Variants in FANCB observed in about 807,000 individuals in gnomAD.
FANCB encodes FA complementation group B.
FANCB carries 5 observed loss-of-function variants against 38.9 expected under a neutral mutation model. That is an observed-to-expected ratio of 0.13 (90% CI 0.07 to 0.27). The LOEUF (loss-of-function observed/expected upper bound fraction) is 0.27, where lower values mean the gene tolerates loss of function less well. FANCB is among the 10% of genes least tolerant of loss of function. The probability of loss-of-function intolerance (pLI) is 1.00; values close to 1 mark genes in which losing one functional copy is unlikely to be tolerated. For synonymous variants in FANCB, 236 were observed against 215.4 expected (o/e 1.10, Z -0.84); for missense variants, 573 against 602.7 (o/e 0.95, Z 0.52).
intron 9 of FANCB, 77 bp downstream of exon 9, chrX:14,844,426 A>C (rs2092366723): frequency 1.4e-6 from 1 of 712,960 alleles, no homozygotes; most frequent in Admixed American, 2.2e-5. Flanking sequence ...ACACATGCGG[A>C]TCGCTGTTGA....
chrX:14,757,421 A>G, the FANCB span, among the ~76,000 whole-genome samples: 1 of 111,808 alleles, frequency 8.9e-6, no homozygotes, highest in African/African-American at 3.3e-5. Context: ...GAACTACCAC[A>G]GGAAAGTTAT....
the FANCB span, among the ~76,000 whole-genome samples, chrX:14,695,561 C>T: frequency 5.3e-5 from 6 of 112,198 alleles, no homozygotes; most frequent in East Asian, 1.7e-3. Flanking sequence ...GATGGAGATA[C>T]TGAAGCACAA....
At chrX:14,840,173 A>G (rs1307296366), downstream of FANCB, among the ~76,000 whole-genome samples, 1 of 111,453 alleles carries the variant, frequency 9.0e-6, no homozygotes, top group Non-Finnish European at 1.9e-5. Context: ...TTTTTTTTTT[A>G]GTAATTGGCA....
At chrX:14,690,540 CA>C in the FANCB span, among the ~76,000 whole-genome samples, 2 of 112,021 alleles carry the variant, frequency 1.8e-5, no homozygotes, top group Non-Finnish European at 3.8e-5. Flanking sequence ...AAAGTAGAAT[CA>C]ATGGCTTAAG....
the FANCB span, among the ~76,000 whole-genome samples, chrX:14,755,386 A>T: frequency 8.1e-5 from 9 of 111,735 alleles, no homozygotes; most frequent in East Asian, 5.6e-4. Context: ...TTATATATTT[A>T]AAAAAAATCC....
At chrX:14,757,464 A>T in the FANCB span, among the ~76,000 whole-genome samples, 2 of 111,675 alleles carry the variant, frequency 1.8e-5, no homozygotes, top group Admixed American at 1.9e-4. Context: ...AGACCCTTTG[A>T]AGGAAGTGGA....
the FANCB span, among the ~76,000 whole-genome samples, chrX:14,799,971 C>T: frequency 9.0e-6 from 1 of 111,570 alleles, no homozygotes; most frequent in South Asian, 3.7e-4. Context: ...TAGCAAGACT[C>T]TAGAAGAAAG....
At chrX:14,778,063 G>A in the FANCB span, among the ~76,000 whole-genome samples, 1 of 111,635 alleles carries the variant, frequency 9.0e-6, no homozygotes, top group Non-Finnish European at 1.9e-5. Context: ...AAATAAAAAT[G>A]AAAAACCCAC....
chrX:14,745,117 A>G, the FANCB span, among the ~76,000 whole-genome samples: 1 of 111,647 alleles, frequency 9.0e-6, no homozygotes, highest in African/African-American at 3.3e-5. Flanking sequence ...TTTCCTCTCT[A>G]GCTCCATTAA....
the FANCB span, among the ~76,000 whole-genome samples, chrX:14,722,084 G>A: frequency 1.8e-4 from 20 of 111,854 alleles, no homozygotes; most frequent in Non-Finnish European, 3.2e-4. Context: ...AATTATCTGT[G>A]TAGCTATCTA....
At position 14,843,752 on chromosome X, in the gene FANCB, C is replaced by T. The variant is rs368933083; in HGVS notation, c.2395G>A (p.Ala799Thr). 3.5e-5 allele frequency: 42 copies of T among 1,209,145 alleles called. No homozygotes were observed. The highest frequency in any genetic ancestry group is 4.4e-5 in the Non-Finnish European group (39 of 894,919). Residue 799 changes from alanine (A) to threonine (T), a missense_variant, in exon 10 of 10, where the codon GCG becomes ACG. Transcript: ENST00000650831. ...TCCCTTCTGTCTGATAAAGCAGCCGCGACGACACTACTCTTTCCTTTGCTC... is the reference window on the plus strand; with the variant it reads ...TCCCTTCTGTCTGATAAAGCAGCCGTGACGACACTACTCTTTCCTTTGCTC... ...EVSKGKSSVV[A>T]AALSDRRENI...
the FANCB span, among the ~76,000 whole-genome samples, chrX:14,696,908 C>G: frequency 9.0e-6 from 1 of 111,676 alleles, no homozygotes; most frequent in Non-Finnish European, 1.9e-5. Context: ...TGTTTTATTA[C>G]CAAAGTTAAG....
chrX:14,702,735 G>T, the FANCB span, among the ~76,000 whole-genome samples: 2 of 111,438 alleles, frequency 1.8e-5, no homozygotes, highest in East Asian at 2.8e-4. Context: ...TGTCACGGGG[G>T]TTCAAGGGAT....
chrX:14,852,251 C>T (rs1302673273), intron 6 of FANCB, among the ~76,000 whole-genome samples: 1 of 108,309 alleles, frequency 9.2e-6, no homozygotes, highest in Non-Finnish European at 1.9e-5. Flanking sequence ...TCACTGCAAC[C>T]TCCGCCTCCC....
At chrX:14,824,354 A>G in the FANCB span, among the ~76,000 whole-genome samples, 1 of 111,802 alleles carries the variant, frequency 8.9e-6, no homozygotes. Context: ...AACATAAAGT[A>G]TTTACTCTTT....
At chrX:14,840,430 C>T, downstream of FANCB, among the ~76,000 whole-genome samples, 1 of 111,464 alleles carries the variant, frequency 9.0e-6, no homozygotes, top group East Asian at 2.8e-4. Context: ...ATAACAGCTG[C>T]CAGGGAAAGG....
the FANCB span, among the ~76,000 whole-genome samples, chrX:14,732,054 G>A: frequency 1.8e-5 from 2 of 109,202 alleles, no homozygotes; most frequent in African/African-American, 6.7e-5. Context: ...CCCCCGACAG[G>A]CCCTGGTGTG....
the FANCB span, among the ~76,000 whole-genome samples, chrX:14,766,656 C>G: frequency 1.8e-5 from 2 of 109,014 alleles, no homozygotes; most frequent in African/African-American, 6.8e-5. Flanking sequence ...TTTTCATTAA[C>G]TCATCTTTCT....
chrX:14,697,225 C>T, the FANCB span, among the ~76,000 whole-genome samples: 1 of 111,963 alleles, frequency 8.9e-6, no homozygotes, highest in Non-Finnish European at 1.9e-5. Context: ...TCATACAGCC[C>T]AGTTTACCTG....
Sources: gnomAD v4.1 joint callset for allele counts (sites outside exome capture counted in the v4.1 genomes callset) on GRCh38, gnomAD v4.1.1 for gene constraint, MANE v1.5 for transcripts, NCBI Gene and HGNC (gene_info 2026-07-23, HGNC 2026-07-21) for gene names.